Variants in PYM1 observed in about 807,000 individuals in gnomAD.
PYM1 encodes the protein PYM1 exon junction complex associated factor.
A neutral mutation model predicts 20.7 loss-of-function variants in PYM1; 7 were observed. The observed-to-expected ratio is 0.34, with a 90% CI of 0.19 to 0.64. The LOEUF (loss-of-function observed/expected upper bound fraction) is 0.64, where lower values mean the gene tolerates loss of function less well. Among genes scored for constraint, PYM1 ranks in the 30% least tolerant of loss-of-function variants. PYM1 has a pLI of 0.74. For missense variants in PYM1, 194 were observed against 250.0 expected (o/e 0.78, Z 1.51); for synonymous variants, 100 against 99.2 (o/e 1.01, Z -0.05).
At chr12:55,924,040 C>T (rs1883147100) in intron 1 of PYM1, among the ~76,000 whole-genome samples, 1 of 151,222 alleles carries the variant, frequency 6.6e-6, no homozygotes, top group African/African-American at 2.4e-5. Flanking sequence ...CGCGCTACTG[C>T]ACTCCAGCCT....
chr12:55,922,359 C>T (rs1053380177), intron 1 of PYM1, among the ~76,000 whole-genome samples: 1 of 142,486 alleles, frequency 7.0e-6, no homozygotes, highest in African/African-American at 2.6e-5. Context: ...CTAGTAATCC[C>T]AGAATTTTGG....
intron 1 of PYM1, among the ~76,000 whole-genome samples, chr12:55,920,974 G>A (rs1462505061): frequency 2.6e-5 from 4 of 152,340 alleles, no homozygotes; most frequent in South Asian, 2.1e-4. Context: ...ACTCTGGGTT[G>A]ATGAATTAAT....
Position 55,922,659 on chromosome 12 carries a change from T to C in PYM1, c.37+5066A>G, listed in dbSNP as rs75582917. Among the ~76,000 whole-genome samples the C allele has an allele frequency of 3.4e-4, 52 of 152,162 alleles. No homozygotes were observed. The East Asian group carries it at 9.9e-3, about 29-fold the overall frequency. ...TAACAGTAAAAAATCATTGTGATAC[T>C]ATGTACCCTGATACAATGTGATGAA... On this transcript the variant is annotated intron_variant, in intron 1 of 2. Transcript: ENST00000408946.
chr12:55,912,591 GA>G (rs76842128), intron 1 of PYM1, among the ~76,000 whole-genome samples: 2,432 of 133,948 alleles, frequency 0.018, 39 homozygotes, highest in Middle Eastern at 0.047. Flanking sequence ...CAAGAGGGGG[GA>G]AAAAAAAAAG....
At chr12:55,919,621 G>A (rs1883064234) in intron 1 of PYM1, among the ~76,000 whole-genome samples, 1 of 151,728 alleles carries the variant, frequency 6.6e-6, no homozygotes, top group Admixed American at 6.6e-5. Flanking sequence ...CTGGGGGCCA[G>A]GCATGGTGGC....
At chr12:55,922,571 G>A (rs1449698062) in intron 1 of PYM1, among the ~76,000 whole-genome samples, 3 of 151,826 alleles carry the variant, frequency 2.0e-5, no homozygotes, top group Non-Finnish European at 4.4e-5. Flanking sequence ...GAGCCATGAT[G>A]GCATCACCGC....
At chr12:55,911,734 G>C (rs929958486) in intron 1 of PYM1, among the ~76,000 whole-genome samples, 68 of 151,594 alleles carry the variant, frequency 4.5e-4, no homozygotes, top group African/African-American at 1.4e-3. Flanking sequence ...CCAGCTACTC[G>C]GGAGGCTGAG....
Position 55,927,790 on chromosome 12 carries a change from CG to C in PYM1, c.-30del. The C allele has an allele frequency of 6.5e-7, 1 of 1,536,644 alleles. No homozygotes were observed. Among genetic ancestry groups the C allele is most frequent in the Middle Eastern group, 2.0e-4 (1 of 4,970 alleles). ...CGAAGAGGCAGCGGACCAGGTTGGGCGGGCGGCCCTGGCCTGGCTCTGCCCC... is the reference window on the plus strand; with the variant it reads ...CGAAGAGGCAGCGGACCAGGTTGGGCGGCGGCCCTGGCCTGGCTCTGCCCC... On this transcript the variant is annotated 5_prime_UTR_variant, in exon 1 of 3. Coordinates refer to ENST00000408946, the MANE Select transcript of PYM1 (RefSeq NM_032345.3).
chr12:55,916,885 C>T (rs1883017216), intron 1 of PYM1, among the ~76,000 whole-genome samples: 1 of 151,798 alleles, frequency 6.6e-6, no homozygotes, highest in African/African-American at 2.4e-5. Context: ...CTGAGGCAGG[C>T]AGATCGCTTG....
chr12:55,903,048 G>A (rs1454122025), intron 2 of PYM1, among the ~76,000 whole-genome samples: 1 of 152,164 alleles, frequency 6.6e-6, no homozygotes, highest in Non-Finnish European at 1.5e-5. Context: ...CTCCCAAAGT[G>A]CTCAGATTAC....
chr12:55,907,899 T>C (rs1882852617), intron 1 of PYM1, among the ~76,000 whole-genome samples: 1 of 151,122 alleles, frequency 6.6e-6, no homozygotes, highest in South Asian at 2.1e-4. Flanking sequence ...GATCATGTCA[T>C]TGCACTCCAA....
At chr12:55,907,976 GCT>G (rs1491283719) in intron 1 of PYM1, among the ~76,000 whole-genome samples, 7 of 151,176 alleles carry the variant, frequency 4.6e-5, no homozygotes, top group South Asian at 2.1e-4. Flanking sequence ...GGGCATGGTG[GCT>G]CATGCCTGTA....
At chr12:55,909,117 T>C (rs1302181081) in intron 1 of PYM1, among the ~76,000 whole-genome samples, 2 of 152,062 alleles carry the variant, frequency 1.3e-5, no homozygotes, top group Non-Finnish European at 2.9e-5. Flanking sequence ...GTCAAGAACT[T>C]TGGACTTTAC....
chr12:55,905,660 G>A (rs534258980), intron 1 of PYM1, among the ~76,000 whole-genome samples: 11 of 146,450 alleles, frequency 7.5e-5, no homozygotes, highest in Non-Finnish European at 1.3e-4. Context: ...TGGAGATTGC[G>A]CCACTGCACT....
chr12:55,927,188 T>G, intron 1 of PYM1: 115 of 1,493,550 alleles, frequency 7.7e-5, no homozygotes, highest in Non-Finnish European at 9.7e-5. Flanking sequence ...GTCCCGATCG[T>G]AGCAAGCCAC....
At chr12:55,917,929 C>T (rs1372401889) in intron 1 of PYM1, among the ~76,000 whole-genome samples, 1 of 151,882 alleles carries the variant, frequency 6.6e-6, no homozygotes, top group Admixed American at 6.6e-5. Context: ...CACTGAACTC[C>T]AGCCTGGGCA....
intron 1 of PYM1, 78 bp downstream of exon 1, chr12:55,927,647 T>C: frequency 1.3e-6 from 2 of 1,513,102 alleles, no homozygotes; most frequent in Non-Finnish European, 1.8e-6. Context: ...GTGTGCCGAT[T>C]GCTGTCGGCC....
chr12:55,923,393 G>A (rs747443184), intron 1 of PYM1, among the ~76,000 whole-genome samples: 1 of 151,660 alleles, frequency 6.6e-6, no homozygotes, highest in Admixed American at 6.6e-5. Context: ...GAGCAAGACC[G>A]CATTTCTACA....
At chr12:55,916,352 G>A (rs1284958609) in intron 1 of PYM1, among the ~76,000 whole-genome samples, 2 of 151,794 alleles carry the variant, frequency 1.3e-5, no homozygotes, top group African/African-American at 2.4e-5. Context: ...AAAAAGACAT[G>A]GTCAAGATCC....
Sources: allele counts gnomAD v4.1 joint callset (sites outside exome capture counted in the v4.1 genomes callset), GRCh38; gene constraint gnomAD v4.1.1; transcripts MANE v1.5; gene names NCBI Gene and HGNC (gene_info 2026-07-23, HGNC 2026-07-21).